SLC6A5: variants seen among roughly 807,000 people sequenced by gnomAD.
The protein encoded by SLC6A5 is solute carrier family 6 member 5, also known as sodium- and chloride-dependent glycine transporter 2.
SLC6A5 carries 58 observed loss-of-function variants against 90.5 expected under a neutral mutation model. The observed-to-expected ratio is 0.64, with a 90% confidence interval of 0.52 to 0.80. The LOEUF (loss-of-function observed/expected upper bound fraction) is 0.80, where lower values mean the gene tolerates loss of function less well. Ranked by LOEUF, SLC6A5 falls within the 30% of genes least tolerant of loss-of-function variation. The pLI is 0.00. For synonymous variants in SLC6A5, 427 were observed against 401.4 expected (o/e 1.06, Z -0.76); for missense variants, 1,015 against 1,017.6 (o/e 1.00, Z 0.03).
intron 5 of SLC6A5, among the ~76,000 whole-genome samples, chr11:20,611,724 A>G (rs1280588907): frequency 3.4e-5 from 5 of 148,356 alleles, no homozygotes; most frequent in Non-Finnish European, 5.9e-5. Context: ...AGCAGATCCT[A>G]TCTCATTCTT....
intron 2 of SLC6A5, among the ~76,000 whole-genome samples, chr11:20,602,663 C>T (rs962675542): frequency 6.7e-6 from 1 of 150,022 alleles, no homozygotes; most frequent in South Asian, 2.2e-4. Context: ...TTTATACAAC[C>T]CTTCTATCCT....
intron 10 of SLC6A5, among the ~76,000 whole-genome samples, chr11:20,635,740 T>C (rs999111977): frequency 1.3e-5 from 2 of 152,156 alleles, no homozygotes; most frequent in African/African-American, 2.4e-5. Context: ...TCAGCACTAT[T>C]GACATTTGAG....
At chr11:20,637,758 G>A (rs1274345148) in intron 12 of SLC6A5, among the ~76,000 whole-genome samples, 1 of 152,100 alleles carries the variant, frequency 6.6e-6, no homozygotes, top group Non-Finnish European at 1.5e-5. Context: ...AAAGAAAACA[G>A]AATACATAAA....
chr11:20,653,428 A>G (rs561938472), intron 15 of SLC6A5, among the ~76,000 whole-genome samples: 9 of 152,314 alleles, frequency 5.9e-5, no homozygotes, highest in Admixed American at 2.0e-4. Context: ...AAGGCAGAGA[A>G]GAACAGTTTG....
At chr11:20,644,642 G>A (rs1853375114) in intron 13 of SLC6A5, among the ~76,000 whole-genome samples, 1 of 152,084 alleles carries the variant, frequency 6.6e-6, no homozygotes, top group Non-Finnish European at 1.5e-5. Flanking sequence ...CATCCATAAT[G>A]TTTTCCATAG....
rs766659746 is a variant in SLC6A5, at chr11:20,652,333, T to C, written c.2115T>C (p.Tyr705=). 8.7e-6 allele frequency: 14 copies of C among 1,614,060 alleles called. No homozygotes were observed. The highest frequency in any genetic ancestry group is 9.3e-6 in the Non-Finnish European group (11 of 1,180,012). The stretch of plus-strand genomic sequence containing the variant: ...TTTACCAGTGGGAGCCCATGACCTA[T>C]GGCTCTTACCGCTATCCTAACTGGT... ...FSFYQWEPMT[Y]GSYRYPNWSM... is the part of the protein sequence containing the mutation. Residue 705 remains tyrosine (Y), a synonymous_variant, in exon 15 of 16, where the codon TAT becomes TAC. Transcript: ENST00000525748.
intron 13 of SLC6A5, among the ~76,000 whole-genome samples, chr11:20,646,011 G>A (rs976317478): frequency 4.2e-4 from 64 of 152,180 alleles, no homozygotes; most frequent in African/African-American, 1.4e-3. Context: ...CTTGGAGACC[G>A]TGTAGGTCCA....
At chr11:20,641,707 A>G (rs1422158788) in intron 13 of SLC6A5, among the ~76,000 whole-genome samples, 1 of 152,184 alleles carries the variant, frequency 6.6e-6, no homozygotes, top group Non-Finnish European at 1.5e-5. Flanking sequence ...GAGAGGCTTT[A>G]GCTCATTAAT....
In SLC6A5 at chr11:20,604,444, TC is replaced by T; in HGVS notation, c.679+22del. 3.1e-6 allele frequency: 5 copies of T among 1,606,056 alleles called. No homozygotes were observed. Among genetic ancestry groups the T allele is most frequent in the Non-Finnish European group, 4.2e-6 (5 of 1,176,520 alleles). On this transcript the variant is annotated intron_variant, in intron 3 of 15. Coordinates refer to ENST00000525748, the MANE Select transcript of SLC6A5 (RefSeq NM_004211.5). Reference sequence around the variant, plus strand: ...GGGGAGGTATGGCTTTTCCGCTCTTTCCGCCTGCGGCGGGGCGGGGCGGGCA... The same window carrying T: ...GGGGAGGTATGGCTTTTCCGCTCTTTCGCCTGCGGCGGGGCGGGGCGGGCA...
In SLC6A5 at chr11:20,632,330, G is replaced by T. The variant is rs142835963; in HGVS notation, c.1624+1515G>T. On this transcript the variant is annotated intron_variant, in intron 10 of 15. Coordinates refer to ENST00000525748, the MANE Select transcript of SLC6A5 (RefSeq NM_004211.5). ...AGAGACTGTGAATCCTGAGATGTGG[G>T]CCAGGTTAGTAAATGATTCTGAACT... Among the ~76,000 whole-genome samples, 273 of 152,264 alleles carry T rather than the reference G, an allele frequency of 1.8e-3. 1 individual carries two copies. The highest frequency in any genetic ancestry group is 6.3e-3 in the African/African-American group (261 of 41,552).
intron 9 of SLC6A5, chr11:20,629,073 A>C (rs983216731): frequency 1.3e-5 from 2 of 152,220 alleles, no homozygotes; most frequent in African/African-American, 4.8e-5. Flanking sequence ...TGCCACTAAA[A>C]GGCAGGAGAA....
chr11:20,639,985 GT>G (rs1853282284), intron 13 of SLC6A5, among the ~76,000 whole-genome samples: 1 of 152,200 alleles, frequency 6.6e-6, no homozygotes, highest in Admixed American at 6.5e-5. Flanking sequence ...CGGAGTTAGG[GT>G]GAGGCTTCAA....
At chr11:20,645,306 G>C (rs1264060103) in intron 13 of SLC6A5, among the ~76,000 whole-genome samples, 1 of 152,076 alleles carries the variant, frequency 6.6e-6, no homozygotes, top group Admixed American at 6.6e-5. Flanking sequence ...GGTGGGGGTG[G>C]TGGGGGACAC....
In SLC6A5 at chr11:20,657,933, C is replaced by A. The variant is rs1381000419; in HGVS notation, c.*3065C>A. 1 of 152,024 alleles carries A rather than the reference C, an allele frequency of 6.6e-6. No individual in the cohort carries two copies. Among genetic ancestry groups the A allele is most frequent in the African/African-American group, 2.4e-5 (1 of 41,384 alleles). The allele number at this position is 152,024 out of a possible 1,614,324, so 9.4% of individuals were successfully genotyped here. On this transcript the variant is annotated 3_prime_UTR_variant, in exon 16 of 16. Coordinates refer to ENST00000525748, the MANE Select transcript of SLC6A5 (RefSeq NM_004211.5). Reference sequence around the variant, plus strand: ...AGTTCTGTTTTATTGTTTCTTTTTCCTTTATATTTATGTATTGCATGAGGT... The same window carrying A: ...AGTTCTGTTTTATTGTTTCTTTTTCATTTATATTTATGTATTGCATGAGGT...
intron 7 of SLC6A5, among the ~76,000 whole-genome samples, chr11:20,625,780 T>A (rs1852982336): frequency 6.6e-6 from 1 of 152,140 alleles, no homozygotes; most frequent in African/African-American, 2.4e-5. Context: ...CTTCCCACCT[T>A]GCCTCTCCTC....
chr11:20,613,048 C>T (rs1440111127), intron 5 of SLC6A5, among the ~76,000 whole-genome samples: 1 of 152,158 alleles, frequency 6.6e-6, no homozygotes, highest in Non-Finnish European at 1.5e-5. Flanking sequence ...ATCCTGGCTT[C>T]TGTAGGTGTT....
chr11:20,619,953 T>A (rs1852858602), intron 7 of SLC6A5, among the ~76,000 whole-genome samples: 1 of 152,180 alleles, frequency 6.6e-6, no homozygotes, highest in African/African-American at 2.4e-5. Context: ...TTGACCCTTA[T>A]GACAATACCG....
In SLC6A5 at chr11:20,606,996, C is replaced by T. The variant is rs376635388; in HGVS notation, c.680-11C>T. On this transcript the variant is annotated splice_polypyrimidine_tract_variant and intron_variant, in intron 3 of 15. Coordinates refer to ENST00000525748, the MANE Select transcript of SLC6A5 (RefSeq NM_004211.5). ...CCTCCTAGGGCTCTCACTCCCCACT[C>T]TCTTTCCAAGGTGCTTTCCTCATCC... 1.9e-6 allele frequency: 3 copies of T among 1,613,972 alleles called. No homozygotes were observed. In the African/African-American group the frequency reaches 4.0e-5, roughly 22 times the overall value.
intron 5 of SLC6A5, among the ~76,000 whole-genome samples, chr11:20,614,279 T>G (rs575701555): frequency 1.3e-5 from 2 of 152,364 alleles, no homozygotes; most frequent in South Asian, 2.1e-4. Flanking sequence ...CTGATTCTCT[T>G]CCTCATAAGC....
Sources: allele counts gnomAD v4.1 joint callset (sites outside exome capture counted in the v4.1 genomes callset), GRCh38; gene constraint gnomAD v4.1.1; transcripts MANE v1.5; gene names NCBI Gene and HGNC (gene_info 2026-07-23, HGNC 2026-07-21).